CELF4: variants seen among roughly 807,000 people sequenced by gnomAD.
CELF4 encodes the protein CUG-BP- and ETR-3-like factor 4.
Under a neutral mutation model 59.9 loss-of-function variants are expected in CELF4, and 18 were observed. The ratio of observed to expected loss-of-function variants is 0.30; its 90% CI spans 0.21 to 0.45. CELF4 has a LOEUF of 0.45. Ranked by LOEUF, CELF4 falls within the 20% of genes least tolerant of loss-of-function variation. The pLI is 1.00. For synonymous variants in CELF4, 261 were observed against 267.1 expected (o/e 0.98, Z 0.22); for missense variants, 456 against 689.0 (o/e 0.66, Z 3.79).
intron 10 of CELF4, among the ~76,000 whole-genome samples, chr18:37,261,773 G>A (rs1384570123): frequency 1.3e-5 from 2 of 152,244 alleles, no homozygotes; most frequent in Non-Finnish European, 2.9e-5. Flanking sequence ...CCCATCTGTG[G>A]GGCAGATGGC....
chr18:37,406,586 T>C (rs1050908598), intron 2 of CELF4, among the ~76,000 whole-genome samples: 3 of 152,198 alleles, frequency 2.0e-5, no homozygotes, highest in African/African-American at 7.2e-5. Context: ...GGCCTTTTGC[T>C]GAGCAACTGT....
At chr18:37,538,675 C>G (rs373294122) in intron 1 of CELF4, among the ~76,000 whole-genome samples, 1 of 152,202 alleles carries the variant, frequency 6.6e-6, no homozygotes, top group Non-Finnish European at 1.5e-5. Flanking sequence ...GGGTTGGTCT[C>G]ATTCCCAGGT....
rs888520990 is a variant in CELF4, at chr18:37,398,454, C to T, written c.370-76573G>A. Among the ~76,000 whole-genome samples, 4 of 152,308 alleles carry T rather than the reference C, an allele frequency of 2.6e-5. No homozygotes were observed. The South Asian group carries it at 8.3e-4, about 32-fold the overall frequency. Reference sequence around the variant, plus strand: ...GATGTGGTTCTGGCACGTGAGGGACCTTGAGGAGCAGACATCCTGCTGATC... The same window carrying T: ...GATGTGGTTCTGGCACGTGAGGGACTTTGAGGAGCAGACATCCTGCTGATC... On this transcript the variant is annotated intron_variant, in intron 2 of 12. Transcript: ENST00000420428.
At chr18:37,264,638 G>A in intron 10 of CELF4, 36 bp downstream of exon 10, 2 of 1,528,438 alleles carry the variant, frequency 1.3e-6, no homozygotes, top group Non-Finnish European at 8.9e-7. Flanking sequence ...GACAACAGGG[G>A]GAGGGAGGGG....
chr18:37,340,151 A>T (rs2097946525), intron 2 of CELF4, among the ~76,000 whole-genome samples: 1 of 152,128 alleles, frequency 6.6e-6, no homozygotes, highest in African/African-American at 2.4e-5. Context: ...GTCCGCACAC[A>T]TTTTCCTACC....
intron 2 of CELF4, among the ~76,000 whole-genome samples, chr18:37,405,586 A>G (rs1205932666): frequency 6.6e-6 from 1 of 152,272 alleles, no homozygotes; most frequent in Non-Finnish European, 1.5e-5. Context: ...TCCAAAATGC[A>G]GGGGAAGCCT....
intron 2 of CELF4, among the ~76,000 whole-genome samples, chr18:37,362,878 G>A (rs2098727666): frequency 6.6e-6 from 1 of 152,186 alleles, no homozygotes; most frequent in South Asian, 2.1e-4. Flanking sequence ...AGGTGGTCAG[G>A]TGTTGGTTCG....
rs558371636 is a variant in CELF4, at chr18:37,500,573, G to A, written c.287-14966C>T. 5.7e-5 allele frequency among the ~76,000 whole-genome samples: 8 copies of A among 141,018 alleles called. No homozygotes were observed. The South Asian group carries it at 1.3e-3, about 23-fold the overall frequency. The allele number at this position is 141,018 out of a possible 152,430, so 92.5% of individuals were successfully genotyped here. On this transcript the variant is annotated intron_variant, in intron 1 of 12. Coordinates refer to ENST00000420428, the MANE Select transcript of CELF4 (RefSeq NM_020180.4). ...TTTTGAGACAGAGTCTCACTTTGTC[G>A]CCCAGGCTGGAGTGCAGTGGTGCTA...
At chr18:37,429,003 G>T (rs2099631675) in intron 2 of CELF4, among the ~76,000 whole-genome samples, 1 of 152,154 alleles carries the variant, frequency 6.6e-6, no homozygotes, top group Non-Finnish European at 1.5e-5. Context: ...AATAATGTTT[G>T]CAGGGGCCTG....
At chr18:37,389,679 C>T (rs931667760) in intron 2 of CELF4, among the ~76,000 whole-genome samples, 3 of 152,134 alleles carry the variant, frequency 2.0e-5, no homozygotes, top group African/African-American at 7.2e-5. Flanking sequence ...GGATGGTCAC[C>T]GCATCCTGCC....
intron 3 of CELF4, among the ~76,000 whole-genome samples, chr18:37,308,544 G>C (rs1264138106): frequency 4.6e-5 from 7 of 152,180 alleles, no homozygotes; most frequent in African/African-American, 1.7e-4. Context: ...CCCCCAGACT[G>C]TAAGCTTCTC....
intron 2 of CELF4, among the ~76,000 whole-genome samples, chr18:37,407,700 T>A (rs1179384775): frequency 6.6e-6 from 1 of 152,064 alleles, no homozygotes; most frequent in East Asian, 1.9e-4. Context: ...GTTCACAGCC[T>A]GCAGTCTGGT....
chr18:37,446,386 A>G (rs544324629), intron 2 of CELF4, among the ~76,000 whole-genome samples: 1 of 152,108 alleles, frequency 6.6e-6, no homozygotes, highest in African/African-American at 2.4e-5. Flanking sequence ...AGGGTCCTCA[A>G]CTGGGGGTGC....
chr18:37,485,213 G>C (rs1250320397), intron 2 of CELF4, among the ~76,000 whole-genome samples: 1 of 151,838 alleles, frequency 6.6e-6, no homozygotes, highest in African/African-American at 2.4e-5. Context: ...GGGCGGACTC[G>C]ATCGCGCACG....
chr18:37,547,969 G>T (rs773184251), intron 1 of CELF4, among the ~76,000 whole-genome samples: 9 of 152,108 alleles, frequency 5.9e-5, no homozygotes, highest in Admixed American at 1.3e-4. Context: ...CTGCATTTTT[G>T]AGTGTGTGTG....
At chr18:37,412,185 T>C (rs1362091055) in intron 2 of CELF4, among the ~76,000 whole-genome samples, 2 of 152,242 alleles carry the variant, frequency 1.3e-5, no homozygotes, top group East Asian at 1.9e-4. Context: ...TGTCCATTGC[T>C]GGACAAAACA....
chr18:37,345,931 G>GC (rs1475448680), intron 2 of CELF4, among the ~76,000 whole-genome samples: 1 of 152,100 alleles, frequency 6.6e-6, no homozygotes, highest in African/African-American at 2.4e-5. Flanking sequence ...TGCATGCCTG[G>GC]CCCCCGGAGC....
intron 2 of CELF4, among the ~76,000 whole-genome samples, chr18:37,443,027 C>T (rs867153922): frequency 4.6e-5 from 7 of 152,170 alleles, no homozygotes; most frequent in African/African-American, 1.7e-4. Flanking sequence ...GACTTCTGCA[C>T]GTGTGGCCAA....
intron 8 of CELF4, 144 bp downstream of exon 8, chr18:37,270,624 G>T: frequency 1.0e-6 from 1 of 967,474 alleles, no homozygotes; most frequent in Non-Finnish European, 1.5e-6. Flanking sequence ...AAGATGGGAG[G>T]CTGGCCCTCT....
Sources: allele counts gnomAD v4.1 joint callset (sites outside exome capture counted in the v4.1 genomes callset), GRCh38; gene constraint gnomAD v4.1.1; transcripts MANE v1.5; gene names NCBI Gene and HGNC (gene_info 2026-07-23, HGNC 2026-07-21).